The following NDST1 variants were observed in gnomAD, a reference collection of about 807,000 sequenced individuals.
NDST1 encodes N-deacetylase and N-sulfotransferase 1, also known as bifunctional heparan sulfate N-deacetylase/N-sulfotransferase 1.
In NDST1, 35 loss-of-function variants were observed where a neutral mutation model predicts 92.8. That is an observed-to-expected ratio of 0.38 (90% CI 0.29 to 0.50). The LOEUF (loss-of-function observed/expected upper bound fraction) is 0.50. Among genes scored for constraint, NDST1 ranks in the 20% least tolerant of loss-of-function variants. NDST1 has a pLI of 0.94. For missense variants in NDST1, 822 were observed against 1,182.7 expected (o/e 0.69, Z 4.47); for synonymous variants, 493 against 500.3 (o/e 0.99, Z 0.19).
chr5:150,517,547 G>T (rs1215761931), intron 1 of NDST1, among the ~76,000 whole-genome samples: 1 of 152,152 alleles, frequency 6.6e-6, no homozygotes, highest in Non-Finnish European at 1.5e-5. Flanking sequence ...CATTCTGTGG[G>T]TTTGGACAAA....
At position 150,553,325 on chromosome 5, in the gene NDST1, C is replaced by T. The variant is rs2151307709; in HGVS notation, c.2642C>T (p.Thr881Ile). 1 of 1,613,198 alleles carries T rather than the reference C, an allele frequency of 6.2e-7. No individual in the cohort carries two copies. Residue 881 changes from threonine (T) to isoleucine (I), a missense_variant, in exon 15 of 15, where the codon ACC becomes ATC. Physicochemically the swap from Thr to Ile is moderately conservative, Grantham distance 89. Coordinates refer to ENST00000261797, the MANE Select transcript of NDST1 (RefSeq NM_001543.5). This position sits in a 1 kb window ranked among gnomAD's most constrained non-coding sequence, Gnocchi z 4.2. ...TGGCTACGAGAGGACCTCCAGAACACCAGGTAGCCGTGGCCACCACAGCCA... is the reference window on the plus strand; with the variant it reads ...TGGCTACGAGAGGACCTCCAGAACATCAGGTAGCCGTGGCCACCACAGCCA... ...PTWLREDLQN[T>I]R
chr5:150,531,797 C>T (rs1372583325), intron 3 of NDST1, among the ~76,000 whole-genome samples: 2 of 152,204 alleles, frequency 1.3e-5, no homozygotes, highest in Admixed American at 1.3e-4. Context: ...CTGCACCTGG[C>T]GGCTCTTACA....
intron 1 of NDST1, among the ~76,000 whole-genome samples, chr5:150,509,040 A>G (rs1753594323): frequency 6.6e-6 from 1 of 152,084 alleles, no homozygotes; most frequent in Non-Finnish European, 1.5e-5. Context: ...TGGCTCATTC[A>G]GGGGACAATG....
intron 11 of NDST1, 100 bp from the exon 12 acceptor site, chr5:150,548,118 A>G: frequency 7.0e-7 from 1 of 1,420,120 alleles, no homozygotes; most frequent in Admixed American, 1.9e-5. Flanking sequence ...TCCTGGGTCC[A>G]GCTGAGGATC....
intron 1 of NDST1, chr5:150,518,901 T>C (rs1754112712): frequency 6.6e-6 from 1 of 152,168 alleles, no homozygotes; most frequent in Admixed American, 6.5e-5. Context: ...CTCAGCCTCC[T>C]GGGTAGCTGG....
intron 3 of NDST1, among the ~76,000 whole-genome samples, chr5:150,530,783 C>T (rs1197616890): frequency 6.6e-6 from 1 of 152,068 alleles, no homozygotes; most frequent in Non-Finnish European, 1.5e-5. Context: ...CGATCTGGAA[C>T]TCCTGGAGTC....
intron 5 of NDST1, 66 bp from the exon 6 acceptor site, chr5:150,535,634 A>AG: frequency 1.3e-6 from 2 of 1,572,404 alleles, no homozygotes; most frequent in South Asian, 2.2e-5. Flanking sequence ...CATTCTACAA[A>AG]GGGGGGATAA....
chr5:150,548,319 C>T lies in NDST1; in HGVS notation c.2247C>T (p.Asn749=). ...CCTCGAAGCTGCGTGCCCTCCAGAA[C>T]CGCTGCCTGGTCCCTGGCTGGTACG... is the stretch of plus-strand genomic sequence containing the variant. ...DASSKLRALQ[N]RCLVPGWYAT... is the part of the protein sequence containing the mutation. The change falls in exon 12 of 15, where the codon AAC becomes AAT. Residue 749 remains asparagine, a synonymous_variant. Coordinates refer to ENST00000261797, the MANE Select transcript of NDST1 (RefSeq NM_001543.5). 1.2e-6 allele frequency: 2 copies of T among 1,614,104 alleles called. No individual in the cohort carries two copies. Among genetic ancestry groups the T allele is most frequent in the South Asian group, 1.1e-5 (1 of 91,084 alleles).
chr5:150,552,027 G>C (rs543789718), intron 14 of NDST1, 172 bp downstream of exon 14: 1 of 690,622 alleles, frequency 1.4e-6, no homozygotes, highest in Non-Finnish European at 1.8e-6. Context: ...TGGTGGGTCA[G>C]ACCTGATTTC....
intron 9 of NDST1, among the ~76,000 whole-genome samples, 160 bp from the exon 10 acceptor site, chr5:150,542,687 AG>A (rs1385475162): frequency 3.9e-5 from 6 of 152,246 alleles, no homozygotes; most frequent in African/African-American, 1.4e-4. Context: ...CCCTGGATTT[AG>A]TAATTCCTTC....
At chr5:150,524,390 G>A (rs1206488560) in intron 2 of NDST1, among the ~76,000 whole-genome samples, 1 of 152,258 alleles carries the variant, frequency 6.6e-6, no homozygotes, top group East Asian at 1.9e-4. Flanking sequence ...AGATCCTGGA[G>A]GGTGGTGGGA....
chr5:150,523,263 A>C (rs899217507), intron 2 of NDST1, among the ~76,000 whole-genome samples: 1 of 152,228 alleles, frequency 6.6e-6, no homozygotes, highest in Non-Finnish European at 1.5e-5. Flanking sequence ...AATGACATCA[A>C]GTCAGATTAT....
chr5:150,546,933 C>A (rs921389659), intron 11 of NDST1, among the ~76,000 whole-genome samples: 1 of 152,192 alleles, frequency 6.6e-6, no homozygotes, highest in African/African-American at 2.4e-5. Context: ...TGCTGTGTGC[C>A]CCCGCCTCCT....
chr5:150,522,282 T>C (rs564940370), intron 2 of NDST1, among the ~76,000 whole-genome samples: 1 of 152,138 alleles, frequency 6.6e-6, no homozygotes, highest in East Asian at 1.9e-4. Flanking sequence ...ATGGCGTTAA[T>C]ATACCTCCTG....
rs1362927325 is a variant in NDST1 at position 150,556,599 on chromosome 5, CTG to C, written c.*3271_*3272del. On this transcript the variant is annotated 3_prime_UTR_variant, in exon 15 of 15. Coordinates refer to ENST00000261797, the MANE Select transcript of NDST1 (RefSeq NM_001543.5). Reference sequence around the variant, plus strand: ...ATTTTGCCACATTCTTTTTCTCTCTCTGTGTATGTATATGTTTTCTCTGTCCT... The same window carrying C: ...ATTTTGCCACATTCTTTTTCTCTCTCTGTATGTATATGTTTTCTCTGTCCT... 2 of 152,236 alleles carry C rather than the reference CTG, an allele frequency of 1.3e-5. No individual in the cohort carries two copies. Among genetic ancestry groups the C allele is most frequent in the African/African-American group, 4.8e-5 (2 of 41,448 alleles). The allele number at this position is 152,236 out of a possible 1,614,324, so 9.4% of individuals were successfully genotyped here. A position where few individuals can be genotyped will look rare whatever the true frequency, so the allele number is the denominator to read the frequency against.
chr5:150,549,538 C>T, intron 12 of NDST1, 140 bp from the exon 13 acceptor site: 2 of 692,844 alleles, frequency 2.9e-6, no homozygotes, highest in Non-Finnish European at 5.3e-6. Flanking sequence ...GATACCTGCC[C>T]TTCAACAGGG....
At chr5:150,540,924 C>T (rs569048514) in intron 8 of NDST1, among the ~76,000 whole-genome samples, 3 of 152,198 alleles carry the variant, frequency 2.0e-5, no homozygotes, top group Non-Finnish European at 4.4e-5. Context: ...CTAACTCCAG[C>T]AGGCTCTGAG....
chr5:150,545,369 A>C lies in NDST1; in HGVS notation c.2028A>C (p.Lys676Asn), dbSNP rs1056722061. 1 of 1,614,088 alleles carries C rather than the reference A, an allele frequency of 6.2e-7. No individual in the cohort carries two copies. The highest frequency in any genetic ancestry group is 1.3e-5 in the African/African-American group (1 of 74,932). The part of the protein sequence containing the change: ...SNTTSDFYFE[K>N]SANYFDSEVA... ...CCACCTCCGACTTCTACTTTGAGAAAAGCGCCAACTACTTTGATTCAGAAG... is the reference window on the plus strand; with the variant it reads ...CCACCTCCGACTTCTACTTTGAGAACAGCGCCAACTACTTTGATTCAGAAG... Residue 676 changes from lysine to asparagine, a missense_variant, in exon 11 of 15, where the codon AAA becomes AAC. By Grantham distance (94) the Lys-to-Asn change is moderately conservative. Coordinates refer to ENST00000261797, the MANE Select transcript of NDST1 (RefSeq NM_001543.5).
At chr5:150,516,352 T>TTTA (rs368077989) in intron 1 of NDST1, among the ~76,000 whole-genome samples, 52 of 152,362 alleles carry the variant, frequency 3.4e-4, no homozygotes, top group African/African-American at 1.2e-3. Flanking sequence ...GTCATAAGTA[T>TTTA]GTTAAATAAG....
Sources: gnomAD v4.1 joint callset for allele counts (sites outside exome capture counted in the v4.1 genomes callset) on GRCh38, gnomAD v4.1.1 for gene constraint, Gnocchi (gnomAD v3.1) non-coding constraint, MANE v1.5 for transcripts, NCBI Gene and HGNC (gene_info 2026-07-23, HGNC 2026-07-21) for gene names.